The following PNPLA7 variants were observed in gnomAD, a reference collection of about 807,000 sequenced individuals.
PNPLA7 encodes the protein patatin-like phospholipase domain-containing protein 7.
A neutral mutation model predicts 161.7 loss-of-function variants in PNPLA7; 153 were observed. That is an observed-to-expected ratio of 0.95 (90% CI 0.83 to 1.08). The LOEUF (loss-of-function observed/expected upper bound fraction) is 1.08, where lower values mean the gene tolerates loss of function less well. Among genes scored for constraint, PNPLA7 ranks in the 50% least tolerant of loss-of-function variants. The probability of loss-of-function intolerance (pLI) is 0.00; values close to 1 mark genes in which losing one functional copy is unlikely to be tolerated. For synonymous variants in PNPLA7, 809 were observed against 782.1 expected (o/e 1.03, Z -0.57); for missense variants, 1,739 against 1,856.6 (o/e 0.94, Z 1.16).
At chr9:137,516,687 A>C in intron 11 of PNPLA7, 1 of 232,524 alleles carries the variant, frequency 4.3e-6, no homozygotes, top group Non-Finnish European at 7.1e-6. Context: ...GCCTGGTGGC[A>C]TGCGCCTGTG....
At chr9:137,471,668 A>C (rs1268354478) in intron 25 of PNPLA7, among the ~76,000 whole-genome samples, 1 of 151,900 alleles carries the variant, frequency 6.6e-6, no homozygotes, top group African/African-American at 2.4e-5. Flanking sequence ...AAATATAGTT[A>C]ACAAAAGATG....
At chr9:137,522,981 C>T (rs565152204) in intron 8 of PNPLA7, 124 bp from the exon 9 acceptor site, 62 of 1,377,236 alleles carry the variant, frequency 4.5e-5, no homozygotes, top group African/African-American at 3.5e-4. Flanking sequence ...TCCATTCTCC[C>T]TCCCAGGCTG....
chr9:137,522,316 C>T (rs528676387), intron 9 of PNPLA7, among the ~76,000 whole-genome samples: 4 of 151,676 alleles, frequency 2.6e-5, no homozygotes, highest in African/African-American at 2.4e-5. Context: ...CCTCGTGATC[C>T]GCCCACCTCG....
chr9:137,523,053 T>C lies in PNPLA7; in HGVS notation c.748-196A>G, dbSNP rs1835112934. The stretch of plus-strand genomic sequence containing the variant: ...ACGTTTTTTGACTGTCCAAGACATG[T>C]GCGGCGAAGGACTGGCTGACGATGA... On this transcript the variant is annotated intron_variant, in intron 8 of 34. Transcript: ENST00000406427. The surrounding 1 kb of genome is among the most constrained non-coding windows in gnomAD (Gnocchi z 4.4). 6.6e-6 allele frequency among the ~76,000 whole-genome samples: 1 copy of C among 152,046 alleles called. No individual in the cohort carries two copies. Among genetic ancestry groups the C allele is most frequent in the African/African-American group, 2.4e-5 (1 of 41,406 alleles).
In PNPLA7 at chr9:137,531,286, C is replaced by G. The variant is rs542554163; in HGVS notation, c.748-8429G>C. The stretch of plus-strand genomic sequence containing the variant: ...CACTCTGGAATCAGGGAGAAAAGCA[C>G]GTGCGTGTGTTTGGGGGCGGGTGGG... On this transcript the variant is annotated intron_variant, in intron 8 of 34. Transcript: ENST00000406427. 5.3e-5 allele frequency among the ~76,000 whole-genome samples: 8 copies of G among 152,266 alleles called. No individual in the cohort carries two copies. The South Asian group carries it at 1.7e-3, about 32-fold the overall frequency.
chr9:137,478,009 G>C (rs2132129799), intron 25 of PNPLA7, 25 bp downstream of exon 25: 2 of 1,394,664 alleles, frequency 1.4e-6, no homozygotes, highest in East Asian at 6.0e-5. Context: ...CCAGTGAGGA[G>C]TGTGTAGGAA....
In PNPLA7 at chr9:137,541,972, G is replaced by A. The variant is rs1836230645; in HGVS notation, c.666+670C>T. The stretch of plus-strand genomic sequence containing the variant: ...TTATTTTTTATTTTTTGTAGAGACG[G>A]GGTCTCACTACTTCGTCCAAGCTGG... On this transcript the variant is annotated intron_variant, in intron 7 of 34. Coordinates refer to ENST00000406427, the MANE Select transcript of PNPLA7 (RefSeq NM_001098537.3). The surrounding 1 kb of genome is among the most constrained non-coding windows in gnomAD (Gnocchi z 4.4). 6.6e-6 allele frequency among the ~76,000 whole-genome samples: 1 copy of A among 152,092 alleles called. No individual in the cohort carries two copies. Among genetic ancestry groups the A allele is most frequent in the South Asian group, 2.1e-4 (1 of 4,824 alleles).
chr9:137,461,326 G>A, intron 33 of PNPLA7: 1 of 524,030 alleles, frequency 1.9e-6, no homozygotes, highest in Non-Finnish European at 3.4e-6. Flanking sequence ...GCAGGGGCTG[G>A]GTGACCCGGG....
At chr9:137,504,082 GAAGGAAGAAGAAGGAA>G (rs1833766505) in intron 14 of PNPLA7, among the ~76,000 whole-genome samples, 1 of 142,440 alleles carries the variant, frequency 7.0e-6, no homozygotes, top group African/African-American at 2.8e-5. Context: ...GGAAGAAGAA[GAAGGAAGAAGAAGGAA>G]GAAGAAGAAA....
intron 12 of PNPLA7, among the ~76,000 whole-genome samples, chr9:137,506,707 C>T (rs1044731007): frequency 2.0e-5 from 3 of 152,190 alleles, no homozygotes; most frequent in Non-Finnish European, 4.4e-5. Flanking sequence ...GCAGTGTGCA[C>T]CCTTTTACAG....
In PNPLA7 at chr9:137,492,163, C is replaced by T. The variant is rs1012679684; in HGVS notation, c.2197+850G>A. On this transcript the variant is annotated intron_variant, in intron 20 of 34. Transcript: ENST00000406427. ...AACAGTGGCTCCAGAAAAAAGTACA[C>T]CTCAGAACTAGGAAAGAATGAATAT... 4.1e-6 allele frequency: 4 copies of T among 985,128 alleles called. No individual in the cohort carries two copies. The African/African-American group carries it at 7.0e-5, about 17-fold the overall frequency. The allele number at this position is 985,128 out of a possible 1,614,324, so 61.0% of individuals were successfully genotyped here. A position where few individuals can be genotyped will look rare whatever the true frequency, so the allele number is the denominator to read the frequency against.
chr9:137,479,280 G>A, intron 23 of PNPLA7, 42 bp from the exon 24 acceptor site: 2 of 1,483,870 alleles, frequency 1.3e-6, no homozygotes, highest in South Asian at 2.6e-5. Flanking sequence ...GGGTGAGCCT[G>A]GGACTCGGGA....
chr9:137,511,321 C>T (rs535865346), intron 12 of PNPLA7, among the ~76,000 whole-genome samples: 1,912 of 119,280 alleles, frequency 0.016, 31 homozygotes, highest in African/African-American at 0.057. Context: ...CAGACCTTGG[C>T]CTGGCGGTAG....
chr9:137,529,969 A>AT (rs113648950), intron 8 of PNPLA7, among the ~76,000 whole-genome samples: 9 of 133,748 alleles, frequency 6.7e-5, no homozygotes, highest in African/African-American at 8.5e-5. Context: ...TGAAGTTTGA[A>AT]TTTTTTTTTT....
chr9:137,481,543 C>T (rs1331980633), intron 21 of PNPLA7, among the ~76,000 whole-genome samples: 1 of 152,230 alleles, frequency 6.6e-6, no homozygotes, highest in African/African-American at 2.4e-5. Flanking sequence ...GCATCACAGC[C>T]ACCAGAGGCT....
intron 24 of PNPLA7, 81 bp from the exon 25 acceptor site, chr9:137,478,233 A>T: frequency 9.2e-7 from 1 of 1,086,258 alleles, no homozygotes; most frequent in East Asian, 3.2e-5. Flanking sequence ...GACTGGGGGG[A>T]GTTTCCTCCA....
At position 137,462,692 on chromosome 9, in the gene PNPLA7, T is replaced by TTCG; in HGVS notation, c.3482_3484dup (p.Thr1161dup). On this transcript the variant is annotated inframe_insertion, in exon 30 of 35. Transcript: ENST00000406427. ...TGCCCGGTAGCACCCCACCTTGACT[T>TTCG]TCGTGGCCAAGGGGTTCCAGCGTTT... The TTCG allele has an allele frequency of 6.2e-7, 1 of 1,613,584 alleles. No homozygotes were observed. Among genetic ancestry groups the TTCG allele is most frequent in the Non-Finnish European group, 8.5e-7 (1 of 1,179,854 alleles).
chr9:137,492,998 G>C lies in PNPLA7; in HGVS notation c.2197+15C>G. The C allele has an allele frequency of 6.2e-7, 1 of 1,612,184 alleles. No individual in the cohort carries two copies. Among genetic ancestry groups the C allele is most frequent in the Non-Finnish European group, 8.5e-7 (1 of 1,179,508 alleles). On this transcript the variant is annotated intron_variant, in intron 20 of 34. Transcript: ENST00000406427. Reference sequence around the variant, plus strand: ...AGGGCTCCCAGGAGGCTCTGGGTTGGGAGAGGTGACCCACCTGTCACAGGT... The same window carrying C: ...AGGGCTCCCAGGAGGCTCTGGGTTGCGAGAGGTGACCCACCTGTCACAGGT...
chr9:137,516,774 C>T (rs866391255), intron 11 of PNPLA7, among the ~76,000 whole-genome samples: 18 of 151,810 alleles, frequency 1.2e-4, no homozygotes, highest in African/African-American at 4.4e-4. Flanking sequence ...GCCAGTACCA[C>T]ACCACTGCAC....
Sources: allele counts gnomAD v4.1 joint callset (sites outside exome capture counted in the v4.1 genomes callset), GRCh38; gene constraint gnomAD v4.1.1; non-coding constraint Gnocchi (gnomAD v3.1); transcripts MANE v1.5; gene names NCBI Gene and HGNC (gene_info 2026-07-23, HGNC 2026-07-21).